Variants in SORCS3 observed in about 807,000 individuals in gnomAD.
SORCS3 encodes the protein VPS10 domain-containing receptor SorCS3.
A neutral mutation model predicts 146.3 loss-of-function variants in SORCS3; 57 were observed. That is an observed-to-expected ratio of 0.39 (90% CI 0.31 to 0.49). SORCS3 has a LOEUF of 0.49. SORCS3 is among the 20% of genes least tolerant of loss of function. SORCS3 has a pLI of 0.92. For missense variants in SORCS3, 1,341 were observed against 1,575.5 expected, an observed-to-expected ratio of 0.85 and a Z score of 2.52; for synonymous variants, 653 against 618.5, an observed-to-expected ratio of 1.06 and a Z score of -0.83.
At chr10:105,135,804 C>T (rs904189006) in intron 7 of SORCS3, among the ~76,000 whole-genome samples, 7 of 152,144 alleles carry the variant, frequency 4.6e-5, no homozygotes. Flanking sequence ...CTCTAATTTC[C>T]AATACCTTAC....
At chr10:105,219,836 C>T (rs760446379) in intron 19 of SORCS3, among the ~76,000 whole-genome samples, 1 of 152,136 alleles carries the variant, frequency 6.6e-6, no homozygotes, top group African/African-American at 2.4e-5. Flanking sequence ...GGTATGACAA[C>T]CAATGTATCT....
At chr10:104,671,849 T>C (rs139631829) in intron 1 of SORCS3, among the ~76,000 whole-genome samples, 1 of 152,196 alleles carries the variant, frequency 6.6e-6, no homozygotes, top group East Asian at 1.9e-4. Flanking sequence ...ATAATCCTGC[T>C]AAGATGCTGC....
intron 2 of SORCS3, among the ~76,000 whole-genome samples, chr10:104,849,122 G>C (rs1490288915): frequency 6.6e-6 from 1 of 152,008 alleles, no homozygotes; most frequent in Non-Finnish European, 1.5e-5. Context: ...TTCTTAAAAA[G>C]AAAAACAGCC....
At chr10:104,948,818 G>T (rs1018470097) in intron 3 of SORCS3, among the ~76,000 whole-genome samples, 1 of 152,176 alleles carries the variant, frequency 6.6e-6, no homozygotes, top group Non-Finnish European at 1.5e-5. Context: ...ATTATTCACA[G>T]TGAGGTCTCC....
At chr10:105,108,595 C>T (rs527390455) in intron 7 of SORCS3, among the ~76,000 whole-genome samples, 5 of 152,088 alleles carry the variant, frequency 3.3e-5, no homozygotes, top group South Asian at 4.2e-4. Context: ...GAGATAAGGC[C>T]GGAAAGGTGG....
At chr10:105,064,848 G>A (rs1009848129) in intron 5 of SORCS3, among the ~76,000 whole-genome samples, 1 of 152,096 alleles carries the variant, frequency 6.6e-6, no homozygotes, top group Non-Finnish European at 1.5e-5. Flanking sequence ...CCAGTCCACT[G>A]GCTCACACGC....
intron 13 of SORCS3, among the ~76,000 whole-genome samples, chr10:105,167,567 T>C (rs2056324577): frequency 6.6e-6 from 1 of 151,584 alleles, no homozygotes; most frequent in African/African-American, 2.4e-5. Context: ...ATGGGGTGGG[T>C]GGTAATGAGT....
chr10:104,761,949 G>T (rs1403467505), intron 1 of SORCS3, among the ~76,000 whole-genome samples: 1 of 152,178 alleles, frequency 6.6e-6, no homozygotes, highest in Non-Finnish European at 1.5e-5. Flanking sequence ...TACACTGCTT[G>T]TGTGTGCTTT....
intron 5 of SORCS3, among the ~76,000 whole-genome samples, chr10:105,047,089 TC>T (rs2055377963): frequency 6.6e-6 from 1 of 152,146 alleles, no homozygotes; most frequent in East Asian, 1.9e-4. Flanking sequence ...AGTATTCCAC[TC>T]TTCCCTTGGG....
intron 6 of SORCS3, among the ~76,000 whole-genome samples, chr10:105,101,789 G>T (rs1028089487): frequency 2.6e-5 from 4 of 152,196 alleles, no homozygotes; most frequent in Non-Finnish European, 5.9e-5. Flanking sequence ...GTGTACCTTT[G>T]ATTACCAGTG....
intron 2 of SORCS3, among the ~76,000 whole-genome samples, chr10:104,853,504 A>G (rs1042998931): frequency 6.6e-6 from 1 of 152,246 alleles, no homozygotes; most frequent in Admixed American, 6.5e-5. Context: ...ACAAAATTCT[A>G]GGAATCTCCA....
intron 6 of SORCS3, among the ~76,000 whole-genome samples, chr10:105,095,674 C>T (rs1201212040): frequency 6.6e-6 from 1 of 150,984 alleles, no homozygotes; most frequent in Non-Finnish European, 1.5e-5. Context: ...GCCATGTTTG[C>T]AATTTGTGTT....
intron 2 of SORCS3, among the ~76,000 whole-genome samples, chr10:104,866,460 T>TA (rs35861365): frequency 0.013 from 1,927 of 152,044 alleles, 17 homozygotes; most frequent in Non-Finnish European, 0.019. Flanking sequence ...TCCTTCAAGT[T>TA]AAAAAAAACC....
intron 5 of SORCS3, among the ~76,000 whole-genome samples, chr10:105,084,526 C>A (rs1252261099): frequency 6.6e-6 from 1 of 152,132 alleles, no homozygotes; most frequent in Non-Finnish European, 1.5e-5. Flanking sequence ...GACGAGGGAC[C>A]TGATTGCTTA....
At chr10:104,956,700 GT>G (rs1564721947) in intron 3 of SORCS3, among the ~76,000 whole-genome samples, 1 of 151,882 alleles carries the variant, frequency 6.6e-6, no homozygotes, top group African/African-American at 2.4e-5. Context: ...TCTCATCTGT[GT>G]GTTCCCTGTT....
intron 1 of SORCS3, 53 bp downstream of exon 1, chr10:104,642,007 TGGGG>T: frequency 1.2e-4 from 7 of 59,332 alleles, no homozygotes; most frequent in Non-Finnish European, 2.3e-4. Flanking sequence ...CGAAGGGGAA[TGGGG>T]GGGTGGGTGG....
intron 3 of SORCS3, among the ~76,000 whole-genome samples, chr10:104,943,248 G>C (rs770953653): frequency 3.9e-5 from 6 of 152,072 alleles, no homozygotes; most frequent in Non-Finnish European, 7.4e-5. Context: ...TCCTGCCTCA[G>C]CCTCCTGAGT....
chr10:105,127,235 G>A (rs1350507695), intron 7 of SORCS3, among the ~76,000 whole-genome samples: 4 of 152,072 alleles, frequency 2.6e-5, no homozygotes, highest in African/African-American at 7.2e-5. Context: ...CTCTTTTATA[G>A]CCCCTGATTT....
intron 9 of SORCS3, among the ~76,000 whole-genome samples, chr10:105,149,882 AT>A (rs1357155988): frequency 2.6e-5 from 4 of 152,108 alleles, no homozygotes; most frequent in African/African-American, 9.7e-5. Flanking sequence ...GATCCATGCA[AT>A]TTTTTTCTTT....
Sources: gnomAD v4.1 joint callset for allele counts (sites outside exome capture counted in the v4.1 genomes callset) on GRCh38, gnomAD v4.1.1 for gene constraint, MANE v1.5 for transcripts, NCBI Gene and HGNC (gene_info 2026-07-23, HGNC 2026-07-21) for gene names.